The following TTN variants were observed in gnomAD, a reference collection of about 807,000 sequenced individuals.
TTN encodes the protein connectin.
Under a neutral mutation model 3,223.0 loss-of-function variants are expected in TTN, and 1,525 were observed. That is an observed-to-expected ratio of 0.47 (90% CI 0.45 to 0.49). TTN has a LOEUF of 0.49. TTN is among the 20% of genes least tolerant of loss of function. The pLI is 0.00. For missense variants in TTN, 40,786 were observed against 43,424.0 expected (o/e 0.94, Z 5.40); for synonymous variants, 14,094 against 15,161.0 (o/e 0.93, Z 5.17).
rs185814739 is a variant in TTN, at chr2:178,683,617, C to T, written c.32807-326G>A. Reference sequence around the variant, plus strand: ...TATGTTACATGAATAGTTTCTTCACCTCACTTCTAAGACATTTTCCTTAGC... The same window carrying T: ...TATGTTACATGAATAGTTTCTTCACTTCACTTCTAAGACATTTTCCTTAGC... On this transcript the variant is annotated intron_variant, in intron 133 of 362. Coordinates refer to ENST00000589042, the MANE Select transcript of TTN (RefSeq NM_001267550.2). 3.9e-5 allele frequency among the ~76,000 whole-genome samples: 6 copies of T among 152,104 alleles called. No homozygotes were observed. The East Asian group carries it at 5.8e-4, about 15-fold the overall frequency.
chr2:178,786,417 A>G (rs1477515722), intron 13 of TTN, among the ~76,000 whole-genome samples: 1 of 152,222 alleles, frequency 6.6e-6, no homozygotes, highest in African/African-American at 2.4e-5. Context: ...ATAAAATCAC[A>G]AGAAGATTTT....
chr2:178,566,861 T>G lies in TTN; in HGVS notation c.79271A>C (p.Glu26424Ala). Reference protein sequence around the residue: ...GGSEIIGYIVEKRDRSGIRWI... With the variant: ...GGSEIIGYIVAKRDRSGIRWI... ...TCGAATGCCACTTCTGTCTCTTTTC[T>G]CTACAATGTAACCAATAATCTCACT... is the stretch of plus-strand genomic sequence containing the variant. Residue 26424 changes from glutamate to alanine, a missense_variant, in exon 326 of 363, where the codon GAG becomes GCG. Physicochemically the swap from Glu to Ala is moderately radical, Grantham distance 107 (BLOSUM62 -1). Coordinates refer to ENST00000589042, the MANE Select transcript of TTN (RefSeq NM_001267550.2). The G allele has an allele frequency of 6.2e-7, 1 of 1,613,456 alleles. No homozygotes were observed. The highest frequency in any genetic ancestry group is 1.1e-5 in the South Asian group (1 of 91,078).
rs766651994 is a variant in TTN at position 178,621,204 on chromosome 2, T to C, written c.45514A>G (p.Lys15172Glu). 17 of 1,612,414 alleles carry C rather than the reference T, an allele frequency of 1.1e-5. No individual in the cohort carries two copies. The highest frequency in any genetic ancestry group is 1.4e-5 in the Non-Finnish European group (17 of 1,179,228). ...TCTTTCACAACTAGGACCCTCTTTT[T>C]ACCATCAGCAATAACGTCATATTTA... ...GDKYDVIADGKKRVLVVKDAT... is the reference protein window; with the variant it reads ...GDKYDVIADGEKRVLVVKDAT... The change falls in exon 246 of 363, where the codon AAA becomes GAA. Residue 15172 changes from lysine (K) to glutamate (E), a missense_variant. Transcript: ENST00000589042.
In TTN at chr2:178,591,300, A is replaced by C; in HGVS notation, c.60425T>G (p.Leu20142Ter). Reference sequence around the variant, plus strand: ...TTGATATTCCCCAGTGTCTCTCCTTAAGCAGTTCTTAATGGTAAGTACTGA... The same window carrying C: ...TTGATATTCCCCAGTGTCTCTCCTTCAGCAGTTCTTAATGGTAAGTACTGA... Reference protein sequence around the residue: ...FSSVLTIKNCLRRDTGEYQIT... With the variant: ...FSSVLTIKNC The change falls in exon 304 of 363, where the codon TTA (leucine) becomes TGA (stop). Residue 20142 changes from leucine to a stop codon, truncating the protein, a stop_gained. Coordinates refer to ENST00000589042, the MANE Select transcript of TTN (RefSeq NM_001267550.2). LOFTEE classifies it high-confidence loss of function. 6.2e-7 allele frequency: 1 copy of C among 1,613,240 alleles called. No homozygotes were observed. Among genetic ancestry groups the C allele is most frequent in the East Asian group, 2.2e-5 (1 of 44,832 alleles).
intron 147 of TTN, among the ~76,000 whole-genome samples, 157 bp downstream of exon 147, chr2:178,677,044 A>C (rs1051019194): frequency 6.6e-6 from 1 of 151,534 alleles, no homozygotes; most frequent in Non-Finnish European, 1.5e-5. Context: ...ATCAGTGAAA[A>C]AAGTAGATAT....
rs746009199 is a variant in TTN, at chr2:178,614,190, A to G, written c.49207T>C (p.Ser16403Pro). Residue 16403 changes from serine to proline, a missense_variant, in exon 262 of 363, where the codon TCC (serine) becomes CCC (proline). Physicochemically the swap from Ser to Pro is moderately conservative, Grantham distance 74. Transcript: ENST00000589042. ...TDSEVWHKLS[S>P]TVKDTNFKAT... ...TTGAAGTTTGTATCCTTGACGGTGG[A>G]TGAGAGCTTGTGCCACACTTCACTA... 3.1e-6 allele frequency: 5 copies of G among 1,612,302 alleles called. No homozygotes were observed. In the African/African-American group the frequency reaches 6.7e-5, roughly 22 times the overall value.
Position 178,587,904 on chromosome 2 carries a change from A to G in TTN, c.63503T>C (p.Ile21168Thr). The G allele has an allele frequency of 6.3e-7, 1 of 1,589,742 alleles. No individual in the cohort carries two copies. Among genetic ancestry groups the G allele is most frequent in the Non-Finnish European group, 8.6e-7 (1 of 1,165,630 alleles). ...ELKEAIKPKEILEPPEIDLDA... is the reference protein window; with the variant it reads ...ELKEAIKPKETLEPPEIDLDA... ...ATGCTAAGGGAAGGACTTACCTAGT[A>G]TTTCTTTAGGTTTGATAGCTTCCTT... is the stretch of plus-strand genomic sequence containing the variant. The change falls in exon 305 of 363, where the codon ATA becomes ACA. Residue 21168 changes from isoleucine to threonine, a missense_variant. Coordinates refer to ENST00000589042, the MANE Select transcript of TTN (RefSeq NM_001267550.2).
At chr2:178,555,854 C>T (rs535539020) in intron 330 of TTN, 2 of 152,374 alleles carry the variant, frequency 1.3e-5, no homozygotes, top group East Asian at 3.9e-4. Flanking sequence ...GGATACCTGA[C>T]TCTCATGACG....
At position 178,554,220 on chromosome 2, in the gene TTN, T is replaced by C; in HGVS notation, c.88895-4A>G. ...ATGCCTGGTGGCCCAGGTGTAACTA[T>C]TTAGAAAGGAAGGGAAAACAAGGTA... On this transcript the variant is annotated splice_region_variant and splice_polypyrimidine_tract_variant and intron_variant, in intron 332 of 362. Transcript: ENST00000589042. 6.4e-7 allele frequency: 1 copy of C among 1,572,454 alleles called. No homozygotes were observed. The highest frequency in any genetic ancestry group is 8.6e-7 in the Non-Finnish European group (1 of 1,164,336).
chr2:178,547,193 C>A lies in TTN; in HGVS notation c.94332G>T (p.Trp31444Cys), dbSNP rs1697578690. ...TTGTATTACGTTCTTTCTTCTCAAC[C>A]CAGTAGCCAATGATTTTACTGCCAC... is the stretch of plus-strand genomic sequence containing the variant. ...HDGGSKIIGY[W>C]VEKKERNTIL... Residue 31444 changes from tryptophan to cysteine, a missense_variant, in exon 340 of 363, where the codon TGG (tryptophan) becomes TGT (cysteine). Coordinates refer to ENST00000589042, the MANE Select transcript of TTN (RefSeq NM_001267550.2). 1 of 1,613,692 alleles carries A rather than the reference C, an allele frequency of 6.2e-7. No individual in the cohort carries two copies. Among genetic ancestry groups the A allele is most frequent in the African/African-American group, 1.3e-5 (1 of 74,894 alleles).
At position 178,532,454 on chromosome 2, in the gene TTN, C is replaced by T. The variant is rs1689557329; in HGVS notation, c.104161G>A (p.Glu34721Lys). 1.2e-6 allele frequency: 2 copies of T among 1,613,974 alleles called. No homozygotes were observed. The highest frequency in any genetic ancestry group is 1.7e-6 in the Non-Finnish European group (2 of 1,179,866). ...SSPQAHVKVE[E>K]TRKDFRYSTY... ...GAATACCTGAAGTCTTTTCTTGTTTCCTCCACCTTGACATGAGCTTGTGGT... is the reference window on the plus strand; with the variant it reads ...GAATACCTGAAGTCTTTTCTTGTTTTCTCCACCTTGACATGAGCTTGTGGT... The change falls in exon 358 of 363, where the codon GAA becomes AAA. Residue 34721 changes from glutamate (E) to lysine (K), a missense_variant. By Grantham distance (56) the Glu-to-Lys change is moderately conservative (BLOSUM62 1). Transcript: ENST00000589042.
Position 178,773,831 on chromosome 2 carries a change from G to T in TTN, c.7330+7C>A. On this transcript the variant is annotated splice_region_variant and intron_variant, in intron 31 of 362. Transcript: ENST00000589042. Reference sequence around the variant, plus strand: ...TGTAAACATAAAATTTTATAATTAGGACTCACTATAGACAGAGACACGCCC... The same window carrying T: ...TGTAAACATAAAATTTTATAATTAGTACTCACTATAGACAGAGACACGCCC... The T allele has an allele frequency of 1.2e-6, 2 of 1,613,944 alleles. No individual in the cohort carries two copies. Among genetic ancestry groups the T allele is most frequent in the African/African-American group, 1.3e-5 (1 of 74,980 alleles).
Position 178,566,902 on chromosome 2 carries a change from T to C in TTN, c.79230A>G (p.Pro26410=). The C allele has an allele frequency of 6.2e-7, 1 of 1,613,594 alleles. No individual in the cohort carries two copies. The highest frequency in any genetic ancestry group is 1.1e-5 in the South Asian group (1 of 91,080). The change falls in exon 326 of 363, where the codon CCA becomes CCG. Residue 26410 remains proline (P), a synonymous_variant. Coordinates refer to ENST00000589042, the MANE Select transcript of TTN (RefSeq NM_001267550.2). Reference sequence around the variant, plus strand: ...TAATCTCACTTCCACCATCACTATCTGGACGGTTCCAACAGACGGTCATGG... The same window carrying C: ...TAATCTCACTTCCACCATCACTATCCGGACGGTTCCAACAGACGGTCATGG... ...KDSMTVCWNR[P]DSDGGSEIIG...
chr2:178,651,132 C>T (rs1180961573), intron 208 of TTN, 111 bp downstream of exon 208: 23 of 860,672 alleles, frequency 2.7e-5, no homozygotes, highest in South Asian at 2.5e-4. Flanking sequence ...TCCAGAATGA[C>T]AGTTTTGTAG....
At chr2:178,688,349 C>T (rs2071417089) in intron 126 of TTN, 125 bp from the exon 127 acceptor site, 2 of 854,266 alleles carry the variant, frequency 2.3e-6, no homozygotes, top group Non-Finnish European at 3.8e-6. Flanking sequence ...ATGGTACTTC[C>T]TCACTATAAG....
In TTN at chr2:178,534,327, G is replaced by A. The variant is rs1040727198; in HGVS notation, c.102288C>T (p.Thr34096=). 6.2e-7 allele frequency: 1 copy of A among 1,613,178 alleles called. No homozygotes were observed. Among genetic ancestry groups the A allele is most frequent in the East Asian group, 2.2e-5 (1 of 44,872 alleles). ...RTLKHRRYYH[T]LIKKDLNMVV... The stretch of plus-strand genomic sequence containing the variant: ...CCATGTTGAGGTCTTTCTTGATCAG[G>A]GTGTGGTAATAACGCCGGTGTTTTA... Residue 34096 remains threonine (T), a synonymous_variant, in exon 358 of 363, where the codon ACC becomes ACT. Transcript: ENST00000589042.
Position 178,593,599 on chromosome 2 carries a change from C to T in TTN, c.58701G>A (p.Val19567=). ...ENLYGISDPL[V]SDSMKAKDRF... ...GATCTTTGGCTTTCATTGAATCAGACACCAGAGGATCACTTATTCCATACA... is the reference window on the plus strand; with the variant it reads ...GATCTTTGGCTTTCATTGAATCAGATACCAGAGGATCACTTATTCCATACA... Residue 19567 remains valine, a synonymous_variant, in exon 298 of 363, where the codon GTG becomes GTA. Transcript: ENST00000589042. 14 of 1,612,662 alleles carry T rather than the reference C, an allele frequency of 8.7e-6. No homozygotes were observed. The highest frequency in any genetic ancestry group is 1.1e-5 in the Non-Finnish European group (13 of 1,179,432).
rs545203193 is a variant in TTN, at chr2:178,674,495, C to G, written c.34613-86G>C. ...GTGATAATATCTGAAAACTGCTCAG[C>G]CTTCGAAACGCTTGTGTAAACTCAC... On this transcript the variant is annotated intron_variant, in intron 150 of 362. Transcript: ENST00000589042. 47 of 791,676 alleles carry G rather than the reference C, an allele frequency of 5.9e-5. No homozygotes were observed. In the African/African-American group the frequency reaches 7.7e-4, roughly 13 times the overall value. 49.0% of individuals were successfully genotyped at this position (791,676 alleles called of 1,614,324 possible).
At position 178,705,395 on chromosome 2, in the gene TTN, C is replaced by A. The variant is rs2742341; in HGVS notation, c.29421-38G>T. On this transcript the variant is annotated intron_variant, in intron 102 of 362. Transcript: ENST00000589042. ...TAAAAAGTAAGGATAAAACACCTGT[C>A]TTCTACTTATTTTTAATTGTCTATC... The A allele has an allele frequency of 0.027, 38,367 of 1,407,596 alleles. 1,195 individuals carry two copies. The highest frequency in any genetic ancestry group is 0.19 in the East Asian group (7,525 of 39,980). The allele number at this position is 1,407,596 out of a possible 1,614,324, so 87.2% of individuals were successfully genotyped here. A position where few individuals can be genotyped will look rare whatever the true frequency, so the allele number is the denominator to read the frequency against.
Sources: gnomAD v4.1 joint callset for allele counts (sites outside exome capture counted in the v4.1 genomes callset) on GRCh38, gnomAD v4.1.1 for gene constraint, MANE v1.5 for transcripts, NCBI Gene and HGNC (gene_info 2026-07-23, HGNC 2026-07-21) for gene names.